Variants in DIAPH3 observed in about 807,000 individuals in gnomAD.
DIAPH3 encodes protein diaphanous homolog 3.
DIAPH3 carries 117 observed loss-of-function variants against 144.3 expected under a neutral mutation model. The observed-to-expected ratio is 0.81, with a 90% CI of 0.70 to 0.95. The LOEUF (loss-of-function observed/expected upper bound fraction) is 0.95, where lower values mean the gene tolerates loss of function less well. DIAPH3 is among the 40% of genes least tolerant of loss of function. The pLI, the probability that DIAPH3 is intolerant of heterozygous loss-of-function variation, is 0.00. For synonymous variants in DIAPH3, 519 were observed against 488.9 expected, an observed-to-expected ratio of 1.06 and a Z score of -0.81; for missense variants, 1,421 against 1,412.7, an observed-to-expected ratio of 1.01 and a Z score of -0.09.
intron 2 of DIAPH3, among the ~76,000 whole-genome samples, chr13:60,114,360 G>C (rs1044810419): frequency 4.6e-5 from 7 of 151,350 alleles, no homozygotes; most frequent in African/African-American, 1.2e-4. Flanking sequence ...CCTGGACATA[G>C]CTGAGGAAGA....
chr13:59,909,348 T>G (rs563588651), intron 20 of DIAPH3, among the ~76,000 whole-genome samples: 1 of 151,864 alleles, frequency 6.6e-6, no homozygotes, highest in Non-Finnish European at 1.5e-5. Flanking sequence ...TTTTGTTTTT[T>G]TTTTTTTTGG....
At chr13:59,870,652 A>G (rs1030727939) in intron 21 of DIAPH3, among the ~76,000 whole-genome samples, 2 of 147,024 alleles carry the variant, frequency 1.4e-5, no homozygotes, top group Non-Finnish European at 3.0e-5. Context: ...ATTTTTTTCA[A>G]AGTTTTGTAG....
chr13:60,010,494 A>G, intron 8 of DIAPH3, 39 bp downstream of exon 8: 1 of 1,521,360 alleles, frequency 6.6e-7, no homozygotes, highest in Non-Finnish European at 8.9e-7. Flanking sequence ...TCTGTATTAA[A>G]TTATTATATA....
At chr13:59,759,248 T>C (rs1193259540) in intron 27 of DIAPH3, among the ~76,000 whole-genome samples, 1 of 152,114 alleles carries the variant, frequency 6.6e-6, no homozygotes, top group African/African-American at 2.4e-5. Context: ...TGATGAACCA[T>C]ATGGGCCTAC....
At chr13:60,047,372 G>C (rs991233782) in intron 4 of DIAPH3, among the ~76,000 whole-genome samples, 1 of 151,988 alleles carries the variant, frequency 6.6e-6, no homozygotes, top group Non-Finnish European at 1.5e-5. Context: ...TGAAAATAAA[G>C]GAGACCTAAA....
intron 22 of DIAPH3, among the ~76,000 whole-genome samples, chr13:59,853,882 AC>A (rs1375295594): frequency 3.9e-5 from 6 of 152,188 alleles, no homozygotes; most frequent in African/African-American, 1.2e-4. Context: ...GTTTCATAAT[AC>A]TCAAAGATGA....
chr13:59,693,355 T>A (rs926575620), intron 27 of DIAPH3, among the ~76,000 whole-genome samples: 11 of 152,190 alleles, frequency 7.2e-5, no homozygotes, highest in Non-Finnish European at 1.6e-4. Flanking sequence ...GGTAGGAGTA[T>A]GGGCTGGCCA....
At chr13:59,969,855 A>G (rs942260748) in intron 17 of DIAPH3, 89 bp downstream of exon 17, 15 of 834,896 alleles carry the variant, frequency 1.8e-5, no homozygotes, top group Non-Finnish European at 2.8e-5. Context: ...CAGGATTCAT[A>G]AAATAATGTT....
At chr13:59,834,067 T>C (rs984461884) in intron 23 of DIAPH3, among the ~76,000 whole-genome samples, 2 of 151,646 alleles carry the variant, frequency 1.3e-5, no homozygotes, top group Admixed American at 6.6e-5. Context: ...CACACACATA[T>C]AGAAACGTTC....
rs540757861 is a variant in DIAPH3 at position 60,012,344 on chromosome 13, T to C, written c.772-1675A>G. Among the ~76,000 whole-genome samples the C allele has an allele frequency of 7.6e-4, 116 of 152,300 alleles. No homozygotes were observed. The Middle Eastern group carries it at 0.01, about 13-fold the overall frequency. On this transcript the variant is annotated intron_variant, in intron 7 of 27. Coordinates refer to ENST00000400324, the MANE Select transcript of DIAPH3 (RefSeq NM_001042517.2). ...ATTTTGGAGAGATTACTCTGTCTTG[T>C]TAGTAATAGGGAAAAGTTTACAACA...
At chr13:59,959,675 G>A (rs939440306) in intron 17 of DIAPH3, among the ~76,000 whole-genome samples, 3 of 152,164 alleles carry the variant, frequency 2.0e-5, no homozygotes, top group African/African-American at 7.2e-5. Flanking sequence ...GGCCTCTAGC[G>A]ACTGGAAAAG....
chr13:59,964,519 C>G (rs2049946476), intron 17 of DIAPH3, among the ~76,000 whole-genome samples: 3 of 152,020 alleles, frequency 2.0e-5, no homozygotes, highest in African/African-American at 7.2e-5. Context: ...TTCTACCACA[C>G]TATACCAAAG....
chr13:59,722,180 T>C lies in DIAPH3; in HGVS notation c.3319+52009A>G, dbSNP rs576700267. On this transcript the variant is annotated intron_variant, in intron 27 of 27. Coordinates refer to ENST00000400324, the MANE Select transcript of DIAPH3 (RefSeq NM_001042517.2). ...CTTCAAGAATCGGTATACGTCCTCA[T>C]AGAAGGAAATAATAATGATTTAACC... Among the ~76,000 whole-genome samples the C allele has an allele frequency of 5.9e-5, 9 of 152,306 alleles. No individual in the cohort carries two copies. The East Asian group carries it at 1.5e-3, about 26-fold the overall frequency.
intron 2 of DIAPH3, 118 bp downstream of exon 2, chr13:60,132,839 T>C: frequency 3.6e-6 from 3 of 824,902 alleles, no homozygotes; most frequent in East Asian, 5.1e-5. Flanking sequence ...ACTATAAGAA[T>C]AGTACGTTTC....
chr13:60,032,931 T>C (rs79139841), intron 5 of DIAPH3, among the ~76,000 whole-genome samples: 2 of 152,356 alleles, frequency 1.3e-5, no homozygotes, highest in East Asian at 1.9e-4. Context: ...CATTGGAACA[T>C]AGGCAATTAC....
intron 4 of DIAPH3, among the ~76,000 whole-genome samples, chr13:60,077,874 A>T (rs1045860682): frequency 6.6e-6 from 1 of 152,114 alleles, no homozygotes; most frequent in Non-Finnish European, 1.5e-5. Flanking sequence ...AAACCAAGTA[A>T]GCAACTCTCT....
intron 17 of DIAPH3, among the ~76,000 whole-genome samples, chr13:59,938,198 T>C (rs2048352354): frequency 6.6e-6 from 1 of 152,198 alleles, no homozygotes; most frequent in Non-Finnish European, 1.5e-5. Flanking sequence ...TCTGTGCTAG[T>C]TTCTGTCCCC....
chr13:60,104,227 C>T (rs2058348478), intron 3 of DIAPH3, among the ~76,000 whole-genome samples: 1 of 152,240 alleles, frequency 6.6e-6, no homozygotes, highest in African/African-American at 2.4e-5. Context: ...TTTTGCCTAT[C>T]AGCTTTACTA....
intron 27 of DIAPH3, among the ~76,000 whole-genome samples, chr13:59,740,242 C>G (rs989600): frequency 6.6e-6 from 1 of 152,228 alleles, no homozygotes; most frequent in Non-Finnish European, 1.5e-5. Context: ...TTTTAAGCAC[C>G]GCATTTAAGA....
Sources: gnomAD v4.1 joint callset for allele counts (sites outside exome capture counted in the v4.1 genomes callset) on GRCh38, gnomAD v4.1.1 for gene constraint, MANE v1.5 for transcripts, NCBI Gene and HGNC (gene_info 2026-07-23, HGNC 2026-07-21) for gene names.